Variants in CDKAL1 observed in about 807,000 individuals in gnomAD.
CDKAL1 encodes CDKAL1 threonylcarbamoyladenosine tRNA methylthiotransferase, also known as threonylcarbamoyladenosine tRNA methylthiotransferase.
In CDKAL1, 32 loss-of-function variants were observed where a neutral mutation model predicts 68.2. That is an observed-to-expected ratio of 0.47 (90% CI 0.35 to 0.63). The LOEUF (loss-of-function observed/expected upper bound fraction) is 0.63, where lower values mean the gene tolerates loss of function less well. Among genes scored for constraint, CDKAL1 ranks in the 30% least tolerant of loss-of-function variants. The probability of loss-of-function intolerance (pLI) is 0.00; values close to 1 mark genes in which losing one functional copy is unlikely to be tolerated. For synonymous variants in CDKAL1, 234 were observed against 244.3 expected, an observed-to-expected ratio of 0.96 and a Z score of 0.39; for missense variants, 606 against 696.7, an observed-to-expected ratio of 0.87 and a Z score of 1.47.
Position 21,148,661 on chromosome 6 carries a change from TA to T in CDKAL1, c.1299+40204del, listed in dbSNP as rs1776282742. Among the ~76,000 whole-genome samples the T allele has an allele frequency of 2.0e-5, 3 of 152,162 alleles. No homozygotes were observed. The South Asian group carries it at 6.2e-4, about 32-fold the overall frequency. On this transcript the variant is annotated intron_variant, in intron 13 of 15. Transcript: ENST00000274695. ...ACTAGTAACTACTGCTTCAGGCTTT[TA>T]AAAAACACTGATTATGTTTTCAAAG... is the stretch of plus-strand genomic sequence containing the variant.
chr6:20,558,221 G>T (rs1293504680), intron 4 of CDKAL1, among the ~76,000 whole-genome samples: 1 of 152,186 alleles, frequency 6.6e-6, no homozygotes, highest in African/African-American at 2.4e-5. Flanking sequence ...AGTACCAGTT[G>T]TGGCAGGGAT....
At chr6:20,612,914 A>C (rs1766683406) in intron 4 of CDKAL1, among the ~76,000 whole-genome samples, 1 of 151,818 alleles carries the variant, frequency 6.6e-6, no homozygotes, top group South Asian at 2.1e-4. Flanking sequence ...AAACCCATAC[A>C]GTAAGTAATA....
chr6:21,066,952 A>AT (rs1206203889), intron 12 of CDKAL1, among the ~76,000 whole-genome samples: 1 of 152,056 alleles, frequency 6.6e-6, no homozygotes, highest in Non-Finnish European at 1.5e-5. Flanking sequence ...TTTTGTAATC[A>AT]TCTTCTCCCT....
intron 11 of CDKAL1, among the ~76,000 whole-genome samples, chr6:21,008,803 C>T (rs1448479225): frequency 6.6e-6 from 1 of 152,148 alleles, no homozygotes; most frequent in Admixed American, 6.5e-5. Context: ...ATGAATGGCA[C>T]TTAACTCTGG....
At chr6:21,019,547 T>C (rs1482530329) in intron 11 of CDKAL1, among the ~76,000 whole-genome samples, 1 of 152,212 alleles carries the variant, frequency 6.6e-6, no homozygotes, top group East Asian at 1.9e-4. Context: ...AACACAAATA[T>C]TAGTGGTGTC....
At chr6:20,931,377 A>G (rs1052030005) in intron 9 of CDKAL1, among the ~76,000 whole-genome samples, 1 of 152,306 alleles carries the variant, frequency 6.6e-6, no homozygotes, top group Non-Finnish European at 1.5e-5. Flanking sequence ...GTGTCACCAT[A>G]CAATTTTACA....
intron 8 of CDKAL1, among the ~76,000 whole-genome samples, chr6:20,833,072 G>A (rs527970670): frequency 4.3e-4 from 65 of 152,256 alleles, no homozygotes; most frequent in African/African-American, 1.3e-3. Flanking sequence ...CAGTTTCCAC[G>A]AAAATGCTAC....
chr6:20,550,892 A>G (rs1444690061), intron 4 of CDKAL1, among the ~76,000 whole-genome samples: 1 of 113,590 alleles, frequency 8.8e-6, no homozygotes, highest in African/African-American at 3.7e-5. Flanking sequence ...TTTGAGACAG[A>G]GTCTTGCTCT....
At chr6:21,220,377 C>T (rs975165102) in intron 15 of CDKAL1, among the ~76,000 whole-genome samples, 1 of 152,094 alleles carries the variant, frequency 6.6e-6, no homozygotes, top group Non-Finnish European at 1.5e-5. Flanking sequence ...CTAAGAGAAC[C>T]TTTTCTACGT....
At chr6:20,859,784 T>C (rs1759518523) in intron 9 of CDKAL1, among the ~76,000 whole-genome samples, 1 of 152,158 alleles carries the variant, frequency 6.6e-6, no homozygotes, top group Non-Finnish European at 1.5e-5. Context: ...TCAAAGCCCA[T>C]GAGATCCCAT....
intron 13 of CDKAL1, among the ~76,000 whole-genome samples, chr6:21,136,732 C>G (rs909769671): frequency 8.6e-5 from 13 of 152,014 alleles, no homozygotes; most frequent in African/African-American, 3.1e-4. Context: ...GTCAACTTCC[C>G]AAGAACACGA....
chr6:21,139,107 T>C (rs1168953033), intron 13 of CDKAL1, among the ~76,000 whole-genome samples: 2 of 152,266 alleles, frequency 1.3e-5, no homozygotes, highest in Non-Finnish European at 2.9e-5. Flanking sequence ...AAGTATTAGC[T>C]ACTAATTGTT....
chr6:21,089,470 C>T (rs1252409203), intron 12 of CDKAL1, among the ~76,000 whole-genome samples: 1 of 152,020 alleles, frequency 6.6e-6, no homozygotes, highest in African/African-American at 2.4e-5. Context: ...GAGCAAGACC[C>T]TGTCTCTAGA....
chr6:21,065,235 T>G lies in CDKAL1; in HGVS notation c.1236+7T>G, dbSNP rs780733498. On this transcript the variant is annotated splice_region_variant and intron_variant, in intron 12 of 15. Coordinates refer to ENST00000274695, the MANE Select transcript of CDKAL1 (RefSeq NM_017774.3). ...ACAAGTTCCAGCACAAGTGGTAAGATCTTTTTCTTGTAAGGTATTGTTTTT... is the reference window on the plus strand; with the variant it reads ...ACAAGTTCCAGCACAAGTGGTAAGAGCTTTTTCTTGTAAGGTATTGTTTTT... The G allele has an allele frequency of 1.1e-5, 18 of 1,596,988 alleles. No individual in the cohort carries two copies. The highest frequency in any genetic ancestry group is 1.5e-5 in the Non-Finnish European group (18 of 1,173,806).
chr6:20,712,230 C>G (rs3749925), intron 5 of CDKAL1, among the ~76,000 whole-genome samples: 19,150 of 152,010 alleles, frequency 0.13, 1,548 homozygotes, highest in Admixed American at 0.23. Context: ...AGTCTGTGCT[C>G]GGGGCAGTAT....
chr6:21,080,227 A>G (rs1305996164), intron 12 of CDKAL1, among the ~76,000 whole-genome samples: 1 of 152,164 alleles, frequency 6.6e-6, no homozygotes, highest in Non-Finnish European at 1.5e-5. Context: ...TCAGCTGTGT[A>G]GAGGGAAGTT....
intron 4 of CDKAL1, among the ~76,000 whole-genome samples, chr6:20,626,909 C>T (rs1554165658): frequency 6.6e-6 from 1 of 152,152 alleles, no homozygotes; most frequent in Non-Finnish European, 1.5e-5. Context: ...GACTGTTTCA[C>T]ATGGCCACCT....
At chr6:20,561,446 G>GAAAAAAA (rs55750789) in intron 4 of CDKAL1, among the ~76,000 whole-genome samples, 130 of 79,628 alleles carry the variant, frequency 1.6e-3, no homozygotes, top group Middle Eastern at 0.01. Context: ...TCTCAAAAAA[G>GAAAAAAA]AAAAAAAAAA....
intron 4 of CDKAL1, among the ~76,000 whole-genome samples, chr6:20,639,548 C>A (rs1234918683): frequency 6.6e-6 from 1 of 152,236 alleles, no homozygotes; most frequent in South Asian, 2.1e-4. Flanking sequence ...CACTTTTATT[C>A]TTTTTAGAAA....
Sources: allele counts gnomAD v4.1 joint callset (sites outside exome capture counted in the v4.1 genomes callset), GRCh38; gene constraint gnomAD v4.1.1; transcripts MANE v1.5; gene names NCBI Gene and HGNC (gene_info 2026-07-23, HGNC 2026-07-21).